Variants in TACR1 observed in about 807,000 individuals in gnomAD.
TACR1 encodes tachykinin receptor 1.
A neutral mutation model predicts 35.8 loss-of-function variants in TACR1; 25 were observed. That is an observed-to-expected ratio of 0.70 (90% CI 0.51 to 0.98). TACR1 has a LOEUF of 0.98. TACR1 is among the 50% of genes least tolerant of loss of function. The probability of loss-of-function intolerance (pLI) is 0.00; values close to 1 mark genes in which losing one functional copy is unlikely to be tolerated. For synonymous variants in TACR1, 195 were observed against 206.7 expected, an observed-to-expected ratio of 0.94 and a Z score of 0.48; for missense variants, 478 against 522.9, an observed-to-expected ratio of 0.91 and a Z score of 0.84.
At chr2:75,104,418 T>G (rs1673600695) in intron 2 of TACR1, among the ~76,000 whole-genome samples, 1 of 152,006 alleles carries the variant, frequency 6.6e-6, no homozygotes, top group Non-Finnish European at 1.5e-5. Context: ...AAGGGAGAGA[T>G]AGACAGCAAC....
chr2:75,173,190 C>G (rs929894088), intron 1 of TACR1, among the ~76,000 whole-genome samples: 7 of 152,114 alleles, frequency 4.6e-5, no homozygotes. Context: ...GATGGATAGG[C>G]TTGGTAAACT....
intron 2 of TACR1, among the ~76,000 whole-genome samples, chr2:75,080,522 C>A (rs1355234729): frequency 6.6e-6 from 1 of 152,088 alleles, no homozygotes; most frequent in Non-Finnish European, 1.5e-5. Flanking sequence ...TATTGAATTG[C>A]CCATTATATA....
intron 2 of TACR1, among the ~76,000 whole-genome samples, chr2:75,097,425 A>G (rs1673445585): frequency 6.6e-6 from 1 of 150,998 alleles, no homozygotes; most frequent in Non-Finnish European, 1.5e-5. Context: ...TCTGTTCTGT[A>G]AAGTACATAA....
intron 1 of TACR1, among the ~76,000 whole-genome samples, chr2:75,152,006 C>T (rs1034972648): frequency 9.2e-5 from 14 of 152,110 alleles, no homozygotes; most frequent in African/African-American, 1.4e-4. Context: ...CAATTTCTCC[C>T]GTTTGGAATG....
At chr2:75,105,949 G>A (rs1162130739) in intron 2 of TACR1, among the ~76,000 whole-genome samples, 1 of 151,954 alleles carries the variant, frequency 6.6e-6, no homozygotes, top group Middle Eastern at 3.2e-3. Flanking sequence ...GTGGCGTCCC[G>A]GATGGGATCC....
intron 1 of TACR1, among the ~76,000 whole-genome samples, chr2:75,157,619 C>T (rs1195275078): frequency 6.6e-6 from 1 of 152,162 alleles, no homozygotes; most frequent in Non-Finnish European, 1.5e-5. Context: ...ACATCCCCCA[C>T]CTAAGGGTTG....
intron 2 of TACR1, among the ~76,000 whole-genome samples, chr2:75,099,466 T>C (rs915120501): frequency 2.6e-5 from 4 of 152,202 alleles, no homozygotes; most frequent in African/African-American, 9.6e-5. Context: ...ATGTTTTCTT[T>C]CCTTCCTTGT....
chr2:75,146,361 G>T (rs1042465932), intron 1 of TACR1, among the ~76,000 whole-genome samples: 3 of 152,228 alleles, frequency 2.0e-5, no homozygotes, highest in African/African-American at 4.8e-5. Context: ...GACCTCAGGC[G>T]ATCTGCCAGC....
At chr2:75,089,395 TCTTAA>T (rs1673258720) in intron 2 of TACR1, among the ~76,000 whole-genome samples, 1 of 152,210 alleles carries the variant, frequency 6.6e-6, no homozygotes, top group South Asian at 2.1e-4. Context: ...AATGTCTTTC[TCTTAA>T]CTTTTCATTG....
chr2:75,137,880 T>C (rs925326278), intron 1 of TACR1, among the ~76,000 whole-genome samples: 1 of 152,100 alleles, frequency 6.6e-6, no homozygotes, highest in African/African-American at 2.4e-5. Context: ...TACTCTTAGA[T>C]CTTTACTGTG....
chr2:75,192,047 G>C (rs1165950205), intron 1 of TACR1, among the ~76,000 whole-genome samples: 3 of 152,120 alleles, frequency 2.0e-5, no homozygotes, highest in African/African-American at 7.2e-5. Context: ...GTCTAGGACA[G>C]CATCTTAGTA....
rs1672390242 is a variant in TACR1 at position 75,047,643 on chromosome 2, G to A, written c.*1789C>T. 1.3e-5 allele frequency: 2 copies of A among 152,168 alleles called. No individual in the cohort carries two copies. Among genetic ancestry groups the A allele is most frequent in the African/African-American group, 4.8e-5 (2 of 41,440 alleles). The allele number at this position is 152,168 out of a possible 1,614,324, so 9.4% of individuals were successfully genotyped here. On this transcript the variant is annotated 3_prime_UTR_variant, in exon 5 of 5. Coordinates refer to ENST00000305249, the MANE Select transcript of TACR1 (RefSeq NM_001058.4). ...ACTAATGCTTAGGGCACTAACTTTT[G>A]TTGCTTCTAAATTTTGTCTTCCATT...
At chr2:75,102,502 A>C (rs1465244790) in intron 2 of TACR1, among the ~76,000 whole-genome samples, 1 of 152,056 alleles carries the variant, frequency 6.6e-6, no homozygotes, top group Non-Finnish European at 1.5e-5. Context: ...CATTGACAGT[A>C]AGTGTTAGGT....
chr2:75,165,483 T>C (rs1005240544), intron 1 of TACR1, among the ~76,000 whole-genome samples: 1 of 152,026 alleles, frequency 6.6e-6, no homozygotes, highest in African/African-American at 2.4e-5. Context: ...TAATTTTTTG[T>C]ATTTTTAGTA....
chr2:75,073,912 C>T (rs1043985755), intron 2 of TACR1, among the ~76,000 whole-genome samples: 7 of 152,154 alleles, frequency 4.6e-5, no homozygotes, highest in Admixed American at 1.3e-4. Flanking sequence ...CTGTGAGGCC[C>T]TTTCCTACTC....
intron 2 of TACR1, among the ~76,000 whole-genome samples, chr2:75,114,378 C>T (rs980318258): frequency 1.3e-5 from 2 of 152,088 alleles, no homozygotes; most frequent in African/African-American, 4.8e-5. Context: ...TTTGGATGTC[C>T]TTTTCATTTT....
At chr2:75,135,424 A>C (rs1674261053) in intron 1 of TACR1, among the ~76,000 whole-genome samples, 1 of 152,188 alleles carries the variant, frequency 6.6e-6, no homozygotes, top group African/African-American at 2.4e-5. Flanking sequence ...TCCAGAGGCC[A>C]TGTGGTCTCT....
At chr2:75,105,003 A>G (rs1673611412) in intron 2 of TACR1, among the ~76,000 whole-genome samples, 1 of 152,112 alleles carries the variant, frequency 6.6e-6, no homozygotes, top group Admixed American at 6.6e-5. Flanking sequence ...TAAAAATAGA[A>G]ATATCATATG....
intron 1 of TACR1, among the ~76,000 whole-genome samples, chr2:75,193,440 G>A (rs772387070): frequency 1.5e-4 from 23 of 152,142 alleles, no homozygotes; most frequent in Non-Finnish European, 3.1e-4. Context: ...CACTTCTCAA[G>A]TTTCTTGTCG....
Sources: gnomAD v4.1 joint callset for allele counts (sites outside exome capture counted in the v4.1 genomes callset) on GRCh38, gnomAD v4.1.1 for gene constraint, MANE v1.5 for transcripts, NCBI Gene and HGNC (gene_info 2026-07-23, HGNC 2026-07-21) for gene names.